Variants in DOCK1 observed in about 807,000 individuals in gnomAD.
DOCK1 encodes the protein dedicator of cytokinesis 1, also known as dedicator of cytokinesis protein 1.
In DOCK1, 138 loss-of-function variants were observed where a neutral mutation model predicts 262.7. The ratio of observed to expected loss-of-function variants is 0.53; its 90% CI spans 0.46 to 0.61. The LOEUF is 0.61. DOCK1 is among the 20% of genes least tolerant of loss of function. The pLI is 0.00. For missense variants in DOCK1, 1,908 were observed against 2,370.7 expected, an observed-to-expected ratio of 0.80 and a Z score of 4.05; for synonymous variants, 866 against 867.4, an observed-to-expected ratio of 1.00 and a Z score of 0.03.
intron 1 of DOCK1, among the ~76,000 whole-genome samples, chr10:126,949,866 G>T (rs1240583247): frequency 6.6e-6 from 1 of 152,036 alleles, no homozygotes; most frequent in African/African-American, 2.4e-5. Context: ...TGGCCAGAGA[G>T]GCAAAGCTCT....
intron 16 of DOCK1, among the ~76,000 whole-genome samples, chr10:127,027,673 T>C (rs915502082): frequency 2.0e-5 from 3 of 152,190 alleles, no homozygotes; most frequent in Admixed American, 6.5e-5. Flanking sequence ...GGCCACCTTC[T>C]GGCACGCTGC....
rs377430116 is a variant in DOCK1 at position 127,403,087 on chromosome 10, G to T, written c.3960G>T (p.Glu1320Asp). ...MWEEAIALGK[E>D]LAEQYENEMF... ...AGGAGGCCATTGCCTTGGGCAAGGA[G>T]CTAGCCGAGCAGTATGAGAACGAAA... is the stretch of plus-strand genomic sequence containing the variant. Residue 1320 changes from glutamate to aspartate, a missense_variant, in exon 39 of 52, where the codon GAG becomes GAT. Transcript: ENST00000623213. The T allele has an allele frequency of 6.2e-7, 1 of 1,612,960 alleles. No homozygotes were observed. The highest frequency in any genetic ancestry group is 1.7e-5 in the Admixed American group (1 of 59,928).
intron 23 of DOCK1, among the ~76,000 whole-genome samples, chr10:127,071,852 C>T (rs1479777860): frequency 6.6e-6 from 1 of 152,102 alleles, no homozygotes; most frequent in Non-Finnish European, 1.5e-5. Context: ...CATGTTGATT[C>T]CTTCACATTG....
At chr10:127,063,911 G>C (rs2045695240) in intron 23 of DOCK1, among the ~76,000 whole-genome samples, 1 of 152,200 alleles carries the variant, frequency 6.6e-6, no homozygotes, top group South Asian at 2.1e-4. Flanking sequence ...ACATCTGCAA[G>C]ACAGACGCAC....
chr10:127,072,960 C>T (rs1288748333), intron 23 of DOCK1, among the ~76,000 whole-genome samples: 1 of 152,194 alleles, frequency 6.6e-6, no homozygotes, highest in African/African-American at 2.4e-5. Flanking sequence ...GAGATACCAG[C>T]ATTTAGAACA....
intron 29 of DOCK1, among the ~76,000 whole-genome samples, chr10:127,266,791 T>C (rs988882861): frequency 2.0e-5 from 3 of 152,160 alleles, no homozygotes; most frequent in African/African-American, 7.2e-5. Flanking sequence ...TTACTACAGC[T>C]CATGCACTTA....
intron 38 of DOCK1, among the ~76,000 whole-genome samples, chr10:127,402,028 G>A (rs900020350): frequency 6.6e-6 from 1 of 152,196 alleles, no homozygotes; most frequent in African/African-American, 2.4e-5. Context: ...AATGATGGAA[G>A]TTGAATGCAG....
At position 127,176,056 on chromosome 10, in the gene DOCK1, A is replaced by G; in HGVS notation, c.2847+48292A>G. 2 of 1,613,910 alleles carry G rather than the reference A, an allele frequency of 1.2e-6. No homozygotes were observed. Among genetic ancestry groups the G allele is most frequent in the Non-Finnish European group, 1.7e-6 (2 of 1,180,000 alleles). ...CGGTCCAGAGGGAACGTCTGGTAAC[A>G]CTTCTTAAGGTCGGGCGAGGTCTGC... On this transcript the variant is annotated intron_variant, in intron 27 of 51. Transcript: ENST00000623213. The surrounding 1 kb of genome is among the most constrained non-coding windows in gnomAD (Gnocchi z 4.4).
intron 27 of DOCK1, among the ~76,000 whole-genome samples, chr10:127,167,429 G>A (rs1422431520): frequency 6.6e-6 from 1 of 152,154 alleles, no homozygotes; most frequent in East Asian, 1.9e-4. Context: ...AATTGATGAA[G>A]TGTCAAGAGG....
intron 27 of DOCK1, among the ~76,000 whole-genome samples, chr10:127,150,454 T>C (rs534721680): frequency 6.6e-6 from 1 of 152,316 alleles, no homozygotes; most frequent in Non-Finnish European, 1.5e-5. Flanking sequence ...TAGGATTACA[T>C]AAGCCCTCTT....
At chr10:126,948,643 C>G (rs887116383) in intron 1 of DOCK1, among the ~76,000 whole-genome samples, 3 of 151,910 alleles carry the variant, frequency 2.0e-5, no homozygotes, top group African/African-American at 7.3e-5. Context: ...TGTGGGGTTG[C>G]AGGGTCAGGT....
chr10:127,187,311 G>C (rs1342414903), intron 27 of DOCK1, among the ~76,000 whole-genome samples: 1 of 152,232 alleles, frequency 6.6e-6, no homozygotes, highest in African/African-American at 2.4e-5. Context: ...GCAAAAGCCT[G>C]TGTAGTTCAT....
intron 40 of DOCK1, 30 bp downstream of exon 40, chr10:127,404,459 A>G (rs2067396718): frequency 1.3e-6 from 2 of 1,597,292 alleles, no homozygotes; most frequent in Non-Finnish European, 8.6e-7. Context: ...AATCTGAGCC[A>G]TGATTGTTCC....
intron 27 of DOCK1, among the ~76,000 whole-genome samples, chr10:127,232,481 G>A (rs555171603): frequency 1.3e-5 from 2 of 152,198 alleles, no homozygotes; most frequent in South Asian, 2.1e-4. Context: ...ATAGGTCTGC[G>A]CCTTGGTCCA....
intron 29 of DOCK1, among the ~76,000 whole-genome samples, chr10:127,298,163 C>G (rs2061565152): frequency 6.6e-6 from 1 of 152,294 alleles, no homozygotes; most frequent in South Asian, 2.1e-4. Context: ...TTCATGCATA[C>G]TGTGTTATGC....
intron 29 of DOCK1, 187 bp downstream of exon 29, chr10:127,257,616 A>G: frequency 2.2e-6 from 1 of 457,034 alleles, no homozygotes; most frequent in South Asian, 4.1e-5. Flanking sequence ...TCCTTATGAC[A>G]ACACAGGGCT....
chr10:127,449,271 T>C (rs2134861127), intron 51 of DOCK1, among the ~76,000 whole-genome samples: 1 of 152,318 alleles, frequency 6.6e-6, no homozygotes, highest in Middle Eastern at 3.4e-3. Flanking sequence ...GAGTATTGTT[T>C]CCCTAACAGC....
At chr10:127,078,962 G>A (rs1429952182) in intron 23 of DOCK1, among the ~76,000 whole-genome samples, 2 of 152,102 alleles carry the variant, frequency 1.3e-5, no homozygotes, top group Non-Finnish European at 2.9e-5. Flanking sequence ...GACCACCTAT[G>A]TCTTTTATTT....
chr10:127,034,277 G>C (rs759129414), intron 18 of DOCK1, among the ~76,000 whole-genome samples: 2 of 152,186 alleles, frequency 1.3e-5, no homozygotes, highest in African/African-American at 4.8e-5. Context: ...CACATCTTAC[G>C]TGGATGGCCG....
Sources: gnomAD v4.1 joint callset for allele counts (sites outside exome capture counted in the v4.1 genomes callset) on GRCh38, gnomAD v4.1.1 for gene constraint, Gnocchi (gnomAD v3.1) non-coding constraint, MANE v1.5 for transcripts, NCBI Gene and HGNC (gene_info 2026-07-23, HGNC 2026-07-21) for gene names.